CHD2: variants seen among roughly 807,000 people sequenced by gnomAD.
CHD2 encodes ATP-dependent chromatin remodeler CHD2.
In CHD2, 28 loss-of-function variants were observed where a neutral mutation model predicts 243.9. The ratio of observed to expected loss-of-function variants is 0.11; its 90% CI spans 0.09 to 0.16. The LOEUF (loss-of-function observed/expected upper bound fraction) is 0.16, where lower values mean the gene tolerates loss of function less well. CHD2 is among the 10% of genes least tolerant of loss of function. The pLI, the probability that CHD2 is intolerant of heterozygous loss-of-function variation, is 1.00. For missense variants in CHD2, 1,386 were observed against 2,209.8 expected, an observed-to-expected ratio of 0.63 and a Z score of 7.47; for synonymous variants, 775 against 779.0, an observed-to-expected ratio of 0.99 and a Z score of 0.09.
chr15:92,994,837 A>C (rs1172801560), intron 28 of CHD2, among the ~76,000 whole-genome samples: 1 of 151,916 alleles, frequency 6.6e-6, no homozygotes, highest in Non-Finnish European at 1.5e-5. Flanking sequence ...TTTTTTGTGC[A>C]TGTCCACATT....
intron 20 of CHD2, among the ~76,000 whole-genome samples, chr15:92,976,157 T>C (rs964167006): frequency 6.6e-6 from 1 of 152,150 alleles, no homozygotes; most frequent in African/African-American, 2.4e-5. Context: ...AAAAATAGTA[T>C]GAGTCGAATG....
chr15:93,004,347 GA>G (rs1443300236), intron 33 of CHD2, among the ~76,000 whole-genome samples: 4 of 152,098 alleles, frequency 2.6e-5, no homozygotes, highest in African/African-American at 9.7e-5. Context: ...GCATTTTATG[GA>G]TAAAGGAGTA....
At chr15:92,928,098 A>T (rs1296052209) in intron 4 of CHD2, among the ~76,000 whole-genome samples, 1 of 152,226 alleles carries the variant, frequency 6.6e-6, no homozygotes, top group African/African-American at 2.4e-5. Flanking sequence ...TTCTGATGAA[A>T]GTTAAATATT....
intron 26 of CHD2, among the ~76,000 whole-genome samples, chr15:92,989,060 T>C (rs2054083115): frequency 6.8e-6 from 1 of 147,000 alleles, no homozygotes; most frequent in African/African-American, 2.5e-5. Context: ...AGATGGAGTT[T>C]TGCTCCTATC....
At chr15:92,921,633 C>T (rs2052957648) in intron 2 of CHD2, among the ~76,000 whole-genome samples, 1 of 152,174 alleles carries the variant, frequency 6.6e-6, no homozygotes, top group Non-Finnish European at 1.5e-5. Flanking sequence ...TAACGACTCA[C>T]TAATGGGTGT....
chr15:92,904,055 A>C (rs1475118350), intron 2 of CHD2, among the ~76,000 whole-genome samples: 1 of 152,228 alleles, frequency 6.6e-6, no homozygotes, highest in East Asian at 1.9e-4. Flanking sequence ...ACTAATAGAA[A>C]TCTGAAATAC....
intron 16 of CHD2, among the ~76,000 whole-genome samples, chr15:92,965,734 T>C (rs1338401638): frequency 6.6e-6 from 1 of 152,146 alleles, no homozygotes; most frequent in African/African-American, 2.4e-5. Context: ...CTCCTCAGTG[T>C]GTGTAGATCA....
intron 34 of CHD2, among the ~76,000 whole-genome samples, chr15:93,007,151 C>T (rs1474668640): frequency 6.6e-6 from 1 of 152,192 alleles, no homozygotes; most frequent in Non-Finnish European, 1.5e-5. Flanking sequence ...GTAGAGATTG[C>T]ATGAATTATA....
chr15:93,010,063 G>A (rs973437961), intron 35 of CHD2, among the ~76,000 whole-genome samples: 13 of 152,034 alleles, frequency 8.6e-5, no homozygotes, highest in Non-Finnish European at 1.6e-4. Flanking sequence ...TCATTTTTAT[G>A]CCTTTGCATC....
At position 92,994,767 on chromosome 15, in the gene CHD2, A is replaced by C. The variant is rs183692348; in HGVS notation, c.3595+1769A>C. On this transcript the variant is annotated intron_variant, in intron 28 of 38. Transcript: ENST00000394196. The stretch of plus-strand genomic sequence containing the variant: ...CACACTTTTCTGTGCTTGCTTTTTT[A>C]TCTCATAGTATCTTGTGGAGCTGTT... Among the ~76,000 whole-genome samples the C allele has an allele frequency of 1.8e-4, 27 of 152,252 alleles. No individual in the cohort carries two copies. In the East Asian group the frequency reaches 5.2e-3, roughly 29 times the overall value.
chr15:92,953,266 G>A lies in CHD2; in HGVS notation c.1503-91G>A, dbSNP rs1184357929. 4 of 963,962 alleles carry A rather than the reference G, an allele frequency of 4.1e-6. No individual in the cohort carries two copies. In the African/African-American group the frequency reaches 4.9e-5, roughly 12 times the overall value. 59.7% of individuals were successfully genotyped at this position (963,962 alleles called of 1,614,324 possible). A position where few individuals can be genotyped will look rare whatever the true frequency, so the allele number is the denominator to read the frequency against. On this transcript the variant is annotated intron_variant, in intron 13 of 38. Coordinates refer to ENST00000394196, the MANE Select transcript of CHD2 (RefSeq NM_001271.4). ...AATGACACCTTGCTTGGCTGTTATT[G>A]TGAAGCATTGGTGTCGTTGCTGTTT...
At chr15:92,914,880 A>G (rs753875058) in intron 2 of CHD2, 12 of 152,222 alleles carry the variant, frequency 7.9e-5, no homozygotes, top group Non-Finnish European at 1.6e-4. Flanking sequence ...ACATAGTACA[A>G]AAATGTGGGT....
chr15:92,967,185 T>G, intron 16 of CHD2, 140 bp from the exon 17 acceptor site: 2 of 588,456 alleles, frequency 3.4e-6, no homozygotes, highest in East Asian at 3.0e-5. Flanking sequence ...CTTTTCCCCT[T>G]TTTGTTTTCC....
At chr15:93,020,716 C>A (rs1279645935) in intron 38 of CHD2, 1 of 200,512 alleles carries the variant, frequency 5.0e-6, no homozygotes, top group Non-Finnish European at 1.0e-5. Flanking sequence ...CGAAGCTTTA[C>A]ATTGTGAGAG....
rs192586782 is a variant in CHD2, at chr15:92,923,375, C to T, written c.63-946C>T. Among the ~76,000 whole-genome samples, 31 of 151,994 alleles carry T rather than the reference C, an allele frequency of 2.0e-4. No individual in the cohort carries two copies. The East Asian group carries it at 4.3e-3, about 21-fold the overall frequency. On this transcript the variant is annotated intron_variant, in intron 2 of 38. Transcript: ENST00000394196. The stretch of plus-strand genomic sequence containing the variant: ...TCCTAGGCTCAAATGATCCTCCCAC[C>T]TGAGTTTCCCGAGTAGCTGGGATCG...
At chr15:93,005,922 T>G in intron 34 of CHD2, among the ~76,000 whole-genome samples, 1 of 152,166 alleles carries the variant, frequency 6.6e-6, no homozygotes, top group East Asian at 1.9e-4. Flanking sequence ...ATTTAAAAAA[T>G]GCTCTTACAA....
chr15:92,944,511 A>G lies in CHD2; in HGVS notation c.1149A>G (p.Val383=). The change falls in exon 10 of 39, where the codon GTA becomes GTG. Residue 383 remains valine, a synonymous_variant. Coordinates refer to ENST00000394196, the MANE Select transcript of CHD2 (RefSeq NM_001271.4). ...AACAGTATCAGATAGTAGAAAGAGT[A>G]ATAGGTAAGTACATGGTAACTCACT... ...LNKQYQIVER[V]IAVKTSKSTL... is the part of the protein sequence containing the mutation. The G allele has an allele frequency of 6.5e-7, 1 of 1,549,398 alleles. No individual in the cohort carries two copies. Among genetic ancestry groups the G allele is most frequent in the Non-Finnish European group, 8.9e-7 (1 of 1,124,706 alleles).
At chr15:92,952,603 G>A (rs1275758864) in intron 13 of CHD2, among the ~76,000 whole-genome samples, 1 of 152,168 alleles carries the variant, frequency 6.6e-6, no homozygotes, top group Non-Finnish European at 1.5e-5. Flanking sequence ...TTGCTGATCT[G>A]ACAGGAGGCG....
intron 3 of CHD2, 45 bp downstream of exon 3, chr15:92,924,597 C>T (rs1360728327): frequency 6.6e-7 from 1 of 1,513,056 alleles, no homozygotes; most frequent in African/African-American, 1.4e-5. Flanking sequence ...TAGCCTAGGA[C>T]AAGCTAGCAG....
Sources: gnomAD v4.1 joint callset for allele counts (sites outside exome capture counted in the v4.1 genomes callset) on GRCh38, gnomAD v4.1.1 for gene constraint, MANE v1.5 for transcripts, NCBI Gene and HGNC (gene_info 2026-07-23, HGNC 2026-07-21) for gene names.